CDH15: variants seen among roughly 807,000 people sequenced by gnomAD.
CDH15 encodes cadherin 15, also known as cadherin-15.
A neutral mutation model predicts 69.4 loss-of-function variants in CDH15; 73 were observed. That is an observed-to-expected ratio of 1.05 (90% CI 0.87 to 1.28). CDH15 has a LOEUF of 1.28. Among genes scored for constraint, CDH15 ranks in the 50% most tolerant of loss-of-function variants. The probability of loss-of-function intolerance (pLI) is 0.00; values close to 1 mark genes in which losing one functional copy is unlikely to be tolerated. For missense variants in CDH15, 1,343 were observed against 1,133.6 expected (o/e 1.18, Z -2.65); for synonymous variants, 624 against 507.7 (o/e 1.23, Z -3.08).
intron 5 of CDH15, among the ~76,000 whole-genome samples, 195 bp from the exon 6 acceptor site, chr16:89,187,234 A>G (rs1481276151): frequency 1.3e-5 from 2 of 152,264 alleles, no homozygotes; most frequent in East Asian, 3.8e-4. Context: ...ATCCAGTGCC[A>G]TAGGCTAGGG....
rs775216696 is a variant in CDH15 at position 89,180,294 on chromosome 16, A to G, written c.296A>G (p.Lys99Arg). 2.5e-6 allele frequency: 4 copies of G among 1,612,198 alleles called. No homozygotes were observed. The highest frequency in any genetic ancestry group is 2.2e-5 in the South Asian group (2 of 90,708). The part of the protein sequence containing the change: ...EEPRGVFSID[K>R]FTGKVFLNAM... ...CCCCGGGGCGTCTTCTCTATCGACA[A>G]GTTCACAGGGAAGGTCTTCCTCAAT... The change falls in exon 3 of 14, where the codon AAG becomes AGG. Residue 99 changes from lysine (K) to arginine (R), a missense_variant. Coordinates refer to ENST00000289746, the MANE Select transcript of CDH15 (RefSeq NM_004933.3).
At chr16:89,194,009 C>T (rs934518839) in intron 13 of CDH15, 96 bp downstream of exon 13, 29 of 1,359,340 alleles carry the variant, frequency 2.1e-5, no homozygotes, top group African/African-American at 1.4e-4. Flanking sequence ...CAAGAACCGG[C>T]GCCTGCATGC....
At chr16:89,193,943 C>T (rs781554481) in intron 13 of CDH15, 30 bp downstream of exon 13, 2 of 1,606,216 alleles carry the variant, frequency 1.2e-6, no homozygotes, top group South Asian at 1.1e-5. Flanking sequence ...CCCCAGTACA[C>T]ACAGGCACGC....
At chr16:89,177,787 G>A (rs1666914819) in intron 1 of CDH15, among the ~76,000 whole-genome samples, 1 of 152,218 alleles carries the variant, frequency 6.6e-6, no homozygotes, top group East Asian at 1.9e-4. Context: ...TCAGCCCAGA[G>A]CCATGTCCTG....
chr16:89,183,492 G>A (rs972211468), intron 3 of CDH15, 56 bp from the exon 4 acceptor site: 13 of 1,607,622 alleles, frequency 8.1e-6, no homozygotes, highest in African/African-American at 2.7e-5. Flanking sequence ...TGGCCCTAAC[G>A]GGAGCCACAG....
rs1009199666 is a variant in CDH15, at chr16:89,192,420, C to T, written c.1831C>T (p.Leu611=). The change falls in exon 11 of 14, where the codon CTG becomes TTG. Residue 611 remains leucine, a synonymous_variant. Coordinates refer to ENST00000289746, the MANE Select transcript of CDH15 (RefSeq NM_004933.3). The stretch of plus-strand genomic sequence containing the variant: ...CAGCCTGGGCGCACTGGTCATCGTG[C>T]TGGCCAGCGCCCTCCTGCTGCTGGG... The part of the protein sequence containing the change: ...GLSLGALVIV[L]ASALLLLVLV... 32 of 1,549,938 alleles carry T rather than the reference C, an allele frequency of 2.1e-5. No homozygotes were observed. Among genetic ancestry groups the T allele is most frequent in the Non-Finnish European group, 2.6e-5 (30 of 1,155,026 alleles).
At position 89,183,957 on chromosome 16, in the gene CDH15, C is replaced by T. The variant is rs1304842166; in HGVS notation, c.502+265C>T. Among the ~76,000 whole-genome samples, 4 of 152,278 alleles carry T rather than the reference C, an allele frequency of 2.6e-5. No individual in the cohort carries two copies. In the East Asian group the frequency reaches 5.8e-4, roughly 22 times the overall value. Reference sequence around the variant, plus strand: ...AAAAGCAAATGACTTCTCCCTCCTGCTGAGGGGGCCATCTGGAGCCAGGCA... The same window carrying T: ...AAAAGCAAATGACTTCTCCCTCCTGTTGAGGGGGCCATCTGGAGCCAGGCA... On this transcript the variant is annotated intron_variant, in intron 4 of 13. Coordinates refer to ENST00000289746, the MANE Select transcript of CDH15 (RefSeq NM_004933.3).
intron 7 of CDH15, among the ~76,000 whole-genome samples, chr16:89,189,653 C>G (rs903192198): frequency 2.0e-5 from 3 of 152,256 alleles, no homozygotes; most frequent in Admixed American, 6.5e-5. Context: ...AAAATCACAG[C>G]TGCACACCTG....
At chr16:89,192,489 C>A in intron 11 of CDH15, 45 bp downstream of exon 11, 1 of 1,553,216 alleles carries the variant, frequency 6.4e-7, no homozygotes, top group Non-Finnish European at 8.6e-7. Flanking sequence ...GACCCTCGGA[C>A]CCTCCTCCCC....
chr16:89,179,604 A>G, intron 2 of CDH15, 30 bp downstream of exon 2: 2 of 1,546,216 alleles, frequency 1.3e-6, no homozygotes, highest in Non-Finnish European at 1.7e-6. Flanking sequence ...AGGAGGGGAG[A>G]AAGGGGTAGG....
At position 89,194,971 on chromosome 16, in the gene CDH15, C is replaced by A; in HGVS notation, c.2261C>A (p.Ser754Tyr). 1 of 1,610,920 alleles carries A rather than the reference C, an allele frequency of 6.2e-7. No individual in the cohort carries two copies. Among genetic ancestry groups the A allele is most frequent in the Non-Finnish European group, 8.5e-7 (1 of 1,179,248 alleles). Residue 754 changes from serine (S) to tyrosine (Y), a missense_variant, in exon 14 of 14, where the codon TCC becomes TAC. Physicochemically the swap from Ser to Tyr is moderately radical, Grantham distance 144. Coordinates refer to ENST00000289746, the MANE Select transcript of CDH15 (RefSeq NM_004933.3). ...SVAGTLSSIL[S>Y]SQGDEDQDYD... Reference sequence around the variant, plus strand: ...GCGGGGACGCTGAGCTCCATCCTGTCCAGCCAGGGCGATGAGGACCAGGAC... The same window carrying A: ...GCGGGGACGCTGAGCTCCATCCTGTACAGCCAGGGCGATGAGGACCAGGAC...
chr16:89,189,607 G>T (rs1915592898), intron 7 of CDH15, among the ~76,000 whole-genome samples: 1 of 152,226 alleles, frequency 6.6e-6, no homozygotes. Flanking sequence ...ACTTTGCTCT[G>T]TCCAGCCTTC....
chr16:89,176,413 AC>A (rs1567770154), intron 1 of CDH15, among the ~76,000 whole-genome samples: 1 of 148,206 alleles, frequency 6.7e-6, no homozygotes, highest in Non-Finnish European at 1.5e-5. Context: ...CCCAGCTCTG[AC>A]CCCCCGGTTC....
chr16:89,194,844 C>G lies in CDH15; in HGVS notation c.2152-18C>G. 1.3e-6 allele frequency: 2 copies of G among 1,592,172 alleles called. No homozygotes were observed. Among genetic ancestry groups the G allele is most frequent in the African/African-American group, 1.3e-5 (1 of 74,838 alleles). On this transcript the variant is annotated intron_variant, in intron 13 of 13. Transcript: ENST00000289746. ...CTGGCCCCTCCATGTGTCTTGAGCT[C>G]TCCGGGCCTCTTTATAGGGCTTGGA...
intron 5 of CDH15, among the ~76,000 whole-genome samples, chr16:89,186,949 T>C (rs1489890979): frequency 2.0e-5 from 3 of 148,826 alleles, no homozygotes; most frequent in African/African-American, 7.5e-5. Context: ...GTAGGTGCTC[T>C]GTAAACGCTT....
chr16:89,185,134 C>A, intron 4 of CDH15, 39 bp from the exon 5 acceptor site: 1 of 1,558,282 alleles, frequency 6.4e-7, no homozygotes, highest in Non-Finnish European at 8.7e-7. Flanking sequence ...CCCATCGGCC[C>A]TGTGGACGTT....
chr16:89,178,636 G>C (rs1915308775), intron 1 of CDH15, among the ~76,000 whole-genome samples: 1 of 147,176 alleles, frequency 6.8e-6, no homozygotes, highest in South Asian at 2.3e-4. Context: ...TGGCTGCCCA[G>C]CCCTGACGTG....
At chr16:89,188,401 C>T (rs1915544478) in intron 7 of CDH15, 116 bp downstream of exon 7, 1 of 686,880 alleles carries the variant, frequency 1.5e-6, no homozygotes, top group South Asian at 1.5e-5. Flanking sequence ...CCGGCACACA[C>T]ACATGCCGGC....
intron 13 of CDH15, among the ~76,000 whole-genome samples, chr16:89,194,363 G>T (rs1915742349): frequency 6.6e-6 from 1 of 152,226 alleles, no homozygotes; most frequent in South Asian, 2.1e-4. Context: ...CCTCCTCTGT[G>T]CCTGTCTGCA....
Sources: allele counts gnomAD v4.1 joint callset (sites outside exome capture counted in the v4.1 genomes callset), GRCh38; gene constraint gnomAD v4.1.1; transcripts MANE v1.5; gene names NCBI Gene and HGNC (gene_info 2026-07-23, HGNC 2026-07-21).